FGD4: variants seen among roughly 807,000 people sequenced by gnomAD.
The protein encoded by FGD4 is FYVE, RhoGEF and PH domain containing 4, also known as FYVE, RhoGEF and PH domain-containing protein 4.
Under a neutral mutation model 102.0 loss-of-function variants are expected in FGD4, and 42 were observed. The ratio of observed to expected loss-of-function variants is 0.41; its 90% CI spans 0.32 to 0.53. The LOEUF is 0.53. Ranked by LOEUF, FGD4 falls within the 20% of genes least tolerant of loss-of-function variation. The pLI is 0.21. For missense variants in FGD4, 902 were observed against 1,078.2 expected, an observed-to-expected ratio of 0.84 and a Z score of 2.29; for synonymous variants, 380 against 375.7, an observed-to-expected ratio of 1.01 and a Z score of -0.13.
intron 4 of FGD4, among the ~76,000 whole-genome samples, chr12:32,584,218 C>T (rs1054737490): frequency 6.6e-6 from 1 of 152,156 alleles, no homozygotes; most frequent in Non-Finnish European, 1.5e-5. Context: ...GCGGTTGATG[C>T]GAACACCACA....
chr12:32,527,894 T>G (rs1214928186), intron 1 of FGD4, among the ~76,000 whole-genome samples: 1 of 152,180 alleles, frequency 6.6e-6, no homozygotes, highest in Admixed American at 6.5e-5. Flanking sequence ...TTCTCTAGTA[T>G]TATATATTTT....
Position 32,625,609 on chromosome 12 carries a change from T to A in FGD4, c.2047-45T>A, listed in dbSNP as rs772655340. On this transcript the variant is annotated intron_variant, in intron 13 of 16. Transcript: ENST00000534526. The stretch of plus-strand genomic sequence containing the variant: ...TTCAAAAAATAATAATAAAAGGGAA[T>A]TATAGTTTTTTTCTATTAAAATTGA... The A allele has an allele frequency of 4.4e-6, 7 of 1,590,752 alleles. No homozygotes were observed. The East Asian group carries it at 1.4e-4, about 32-fold the overall frequency.
chr12:32,504,821 C>T (rs1160808453), intron 1 of FGD4, among the ~76,000 whole-genome samples: 1 of 152,228 alleles, frequency 6.6e-6, no homozygotes, highest in Non-Finnish European at 1.5e-5. Context: ...CATACGCAGT[C>T]AAGTCTTTCT....
chr12:32,526,933 G>A (rs370916644), intron 1 of FGD4, among the ~76,000 whole-genome samples: 6 of 152,100 alleles, frequency 3.9e-5, no homozygotes, highest in African/African-American at 4.8e-5. Context: ...GTATTACGTC[G>A]CATGAATATA....
intron 1 of FGD4, among the ~76,000 whole-genome samples, chr12:32,478,438 G>A (rs1943640527): frequency 6.6e-6 from 1 of 152,076 alleles, no homozygotes; most frequent in South Asian, 2.1e-4. Flanking sequence ...CTAATGTTTT[G>A]TATTTTTTGT....
chr12:32,402,430 A>G (rs1480042592), intron 1 of FGD4, among the ~76,000 whole-genome samples: 2 of 151,156 alleles, frequency 1.3e-5, no homozygotes, highest in Admixed American at 1.3e-4. Context: ...AGAGAGAGAG[A>G]GGGGAGGGGA....
At chr12:32,409,304 T>C (rs1289243020) in intron 1 of FGD4, among the ~76,000 whole-genome samples, 3 of 115,856 alleles carry the variant, frequency 2.6e-5, no homozygotes, top group Non-Finnish European at 5.3e-5. Flanking sequence ...TTTTTTTTTT[T>C]TGAGTTGAAG....
chr12:32,467,607 C>T (rs1943295353), intron 1 of FGD4, among the ~76,000 whole-genome samples: 1 of 152,212 alleles, frequency 6.6e-6, no homozygotes, highest in Non-Finnish European at 1.5e-5. Flanking sequence ...TTTAAGTCTT[C>T]TAGTCAGTGT....
chr12:32,589,004 C>T lies in FGD4; in HGVS notation c.1011+6537C>T, dbSNP rs186364668. On this transcript the variant is annotated intron_variant, in intron 4 of 16. Transcript: ENST00000534526. Reference sequence around the variant, plus strand: ...AGCCAGGTCCTCTAGATTTGAATCCCACTCAGCTACTTACTAGCTCTGTGA... The same window carrying T: ...AGCCAGGTCCTCTAGATTTGAATCCTACTCAGCTACTTACTAGCTCTGTGA... Among the ~76,000 whole-genome samples, 222 of 152,274 alleles carry T rather than the reference C, an allele frequency of 1.5e-3. 1 individual carries two copies. Among genetic ancestry groups the T allele is most frequent in the African/African-American group, 5.0e-3 (206 of 41,554 alleles).
At position 32,534,409 on chromosome 12, in the gene FGD4, T is replaced by C. The variant is rs561223009; in HGVS notation, c.167-29728T>C. 1,631 of 1,507,940 alleles carry C rather than the reference T, an allele frequency of 1.1e-3. 3 individuals carry two copies. The highest frequency in any genetic ancestry group is 1.4e-3 in the Non-Finnish European group (1,583 of 1,134,342). The allele number at this position is 1,507,940 out of a possible 1,614,324, so 93.4% of individuals were successfully genotyped here. A position where few individuals can be genotyped will look rare whatever the true frequency, so the allele number is the denominator to read the frequency against. Reference sequence around the variant, plus strand: ...CAGCCAGGAGTGAGATTTTATCACATGAACTTTAAAAGAGTAAAGCCAAAT... The same window carrying C: ...CAGCCAGGAGTGAGATTTTATCACACGAACTTTAAAAGAGTAAAGCCAAAT... On this transcript the variant is annotated intron_variant, in intron 1 of 16. Transcript: ENST00000534526.
At chr12:32,476,298 A>C (rs1221350597) in intron 1 of FGD4, among the ~76,000 whole-genome samples, 3 of 152,188 alleles carry the variant, frequency 2.0e-5, no homozygotes, top group Admixed American at 6.5e-5. Flanking sequence ...ATTGTTGCAT[A>C]ATTAATAATT....
At position 32,472,719 on chromosome 12, in the gene FGD4, G is replaced by A. The variant is rs911664902; in HGVS notation, c.166+72760G>A. 2.6e-5 allele frequency among the ~76,000 whole-genome samples: 4 copies of A among 151,678 alleles called. No homozygotes were observed. The East Asian group carries it at 5.8e-4, about 22-fold the overall frequency. On this transcript the variant is annotated intron_variant, in intron 1 of 16. Coordinates refer to ENST00000534526, the MANE Select transcript of FGD4 (RefSeq NM_001370298.3). ...GGCAGGCAGCTCCACCTGCAGCCCC[G>A]GTGCGGGATCCACTAGGTGAAGCCA... is the stretch of plus-strand genomic sequence containing the variant.
intron 1 of FGD4, among the ~76,000 whole-genome samples, chr12:32,405,741 ATTGGGGG>A (rs1268486963): frequency 6.6e-6 from 1 of 152,068 alleles, no homozygotes; most frequent in Non-Finnish European, 1.5e-5. Flanking sequence ...CGGGAACTTG[ATTGGGGG>A]TCTGCCTGAG....
intron 1 of FGD4, among the ~76,000 whole-genome samples, chr12:32,561,707 C>A (rs186444993): frequency 6.6e-6 from 1 of 152,150 alleles, no homozygotes; most frequent in Non-Finnish European, 1.5e-5. Flanking sequence ...AGAAGGAAAT[C>A]TAATATGCAT....
intron 1 of FGD4, among the ~76,000 whole-genome samples, chr12:32,428,410 G>A (rs1016329190): frequency 6.6e-6 from 1 of 152,336 alleles, no homozygotes; most frequent in African/African-American, 2.4e-5. Context: ...CTTCTGGCTT[G>A]TAGGGTTTCT....
At chr12:32,518,703 G>A (rs1440704434) in intron 1 of FGD4, among the ~76,000 whole-genome samples, 3 of 152,076 alleles carry the variant, frequency 2.0e-5, no homozygotes, top group Admixed American at 2.0e-4. Context: ...ATTTTAGATA[G>A]TGGAATTCTG....
chr12:32,484,733 G>T (rs1047145314), intron 1 of FGD4, among the ~76,000 whole-genome samples: 2 of 151,992 alleles, frequency 1.3e-5, no homozygotes, highest in African/African-American at 4.8e-5. Context: ...TTAGCCAGAC[G>T]TGCTGGTGGG....
intron 1 of FGD4, among the ~76,000 whole-genome samples, chr12:32,440,816 C>T (rs912613267): frequency 6.6e-6 from 1 of 152,298 alleles, no homozygotes; most frequent in Admixed American, 6.5e-5. Context: ...TAGAAGTCTA[C>T]CTGGTAATCT....
chr12:32,488,909 C>G (rs1240862035), intron 1 of FGD4, among the ~76,000 whole-genome samples: 1 of 150,840 alleles, frequency 6.6e-6, no homozygotes, highest in Admixed American at 6.6e-5. Flanking sequence ...ATTGCACTTC[C>G]GCCTGGGTGA....
Sources: gnomAD v4.1 joint callset for allele counts (sites outside exome capture counted in the v4.1 genomes callset) on GRCh38, gnomAD v4.1.1 for gene constraint, MANE v1.5 for transcripts, NCBI Gene and HGNC (gene_info 2026-07-23, HGNC 2026-07-21) for gene names.